PDIA5: variants seen among roughly 807,000 people sequenced by gnomAD.
The protein encoded by PDIA5 is protein disulfide-isomerase A5.
Under a neutral mutation model 77.6 loss-of-function variants are expected in PDIA5, and 58 were observed. The ratio of observed to expected loss-of-function variants is 0.75; its 90% CI spans 0.61 to 0.93. The LOEUF is 0.93. PDIA5 is among the 40% of genes least tolerant of loss of function. The pLI is 0.00. For synonymous variants in PDIA5, 250 were observed against 252.1 expected, an observed-to-expected ratio of 0.99 and a Z score of 0.08; for missense variants, 630 against 647.7, an observed-to-expected ratio of 0.97 and a Z score of 0.30.
intron 1 of PDIA5, among the ~76,000 whole-genome samples, chr3:123,077,591 T>C (rs1002262683): frequency 6.7e-6 from 1 of 150,130 alleles, no homozygotes; most frequent in African/African-American, 2.5e-5. Context: ...CACAACAATA[T>C]CACCACCATT....
rs781719967 is a variant in PDIA5, at chr3:123,106,840, AG to A, written c.480+1del. 6.2e-7 allele frequency: 1 copy of A among 1,602,588 alleles called. No homozygotes were observed. Among genetic ancestry groups the A allele is most frequent in the Non-Finnish European group, 8.5e-7 (1 of 1,170,910 alleles). On this transcript the variant is annotated frameshift_variant and splice_region_variant, in exon 6 of 17. Coordinates refer to ENST00000316218, the MANE Select transcript of PDIA5 (RefSeq NM_006810.4). LOFTEE classifies it high-confidence loss of function. ...GATGTTGTCCACCTTGACAGTGAAA[AG>A]GTAATGTATTCCCCGTCAGTTCTGA... ...AKDVVHLDSEKDFRRLLKKEE... is the reference protein window; with the variant it reads ...AKDVVHLDSEXDFRRLLKKEE...
At chr3:123,129,060 C>T (rs1229130169) in intron 10 of PDIA5, among the ~76,000 whole-genome samples, 1 of 64,796 alleles carries the variant, frequency 1.5e-5, no homozygotes, top group Non-Finnish European at 4.1e-5. Flanking sequence ...CCAATTTTCG[C>T]TATGACAACC....
intron 8 of PDIA5, among the ~76,000 whole-genome samples, chr3:123,120,523 CT>C (rs1935089406): frequency 6.6e-6 from 1 of 152,256 alleles, no homozygotes; most frequent in African/African-American, 2.4e-5. Context: ...CAAGGTTCCG[CT>C]TTCCTGTTAA....
intron 11 of PDIA5, among the ~76,000 whole-genome samples, chr3:123,143,403 A>AG (rs1352193771): frequency 4.7e-4 from 71 of 150,958 alleles, no homozygotes; most frequent in Admixed American, 9.2e-4. Context: ...AAAAAAAAAA[A>AG]AGAGAGGCAC....
In PDIA5 at chr3:123,106,846, T is replaced by C. The variant is rs777520090; in HGVS notation, c.480+5T>C. ...GTCCACCTTGACAGTGAAAAGGTAA[T>C]GTATTCCCCGTCAGTTCTGATGGAT... is the stretch of plus-strand genomic sequence containing the variant. On this transcript the variant is annotated splice_donor_5th_base_variant and intron_variant, in intron 6 of 16. Transcript: ENST00000316218. The C allele has an allele frequency of 2.4e-5, 38 of 1,591,830 alleles. No individual in the cohort carries two copies. The East Asian group carries it at 8.3e-4, about 35-fold the overall frequency.
intron 3 of PDIA5, among the ~76,000 whole-genome samples, chr3:123,093,258 G>GGTGTGT (rs3080445): frequency 4.0e-5 from 6 of 148,458 alleles, no homozygotes; most frequent in South Asian, 4.3e-4. Flanking sequence ...TGCTGTAGAG[G>GGTGTGT]GTGTGTGTGT....
chr3:123,111,998 T>C (rs947009449), intron 7 of PDIA5, among the ~76,000 whole-genome samples: 2 of 152,218 alleles, frequency 1.3e-5, no homozygotes, highest in Non-Finnish European at 2.9e-5. Context: ...GCCATGGCCA[T>C]ACATTGATGT....
At chr3:123,148,555 T>A (rs988744817) in intron 13 of PDIA5, among the ~76,000 whole-genome samples, 1 of 148,006 alleles carries the variant, frequency 6.8e-6, no homozygotes, top group Non-Finnish European at 1.5e-5. Context: ...AGCAACAGAG[T>A]GAGACCCTGT....
At chr3:123,161,847 CTT>C in intron 16 of PDIA5, 31 bp from the exon 17 acceptor site, 1 of 1,391,820 alleles carries the variant, frequency 7.2e-7, no homozygotes, top group Non-Finnish European at 1.0e-6. Flanking sequence ...GATTAAAGCT[CTT>C]TCTCTCTCTC....
chr3:123,114,660 C>T (rs1319948582), intron 7 of PDIA5, among the ~76,000 whole-genome samples: 1 of 152,238 alleles, frequency 6.6e-6, no homozygotes, highest in Non-Finnish European at 1.5e-5. Flanking sequence ...TTCTGTTCTC[C>T]TCTTTCTGAA....
At chr3:123,118,926 A>G (rs574250967) in intron 8 of PDIA5, among the ~76,000 whole-genome samples, 52 of 152,300 alleles carry the variant, frequency 3.4e-4, no homozygotes, top group African/African-American at 1.2e-3. Context: ...ACAGGTTATA[A>G]GGTTAACTGC....
chr3:123,089,091 G>GC (rs1934215771), intron 1 of PDIA5, 77 bp from the exon 2 acceptor site: 1 of 1,427,250 alleles, frequency 7.0e-7, no homozygotes, highest in Non-Finnish European at 9.6e-7. Flanking sequence ...GCTCTAGGCA[G>GC]CACATCCATG....
At chr3:123,151,770 GCCTGCCTGCCTGGCCTGCCTTCCTGCCT>G (rs1270606936) in intron 14 of PDIA5, among the ~76,000 whole-genome samples, 3 of 118,478 alleles carry the variant, frequency 2.5e-5, no homozygotes, top group Non-Finnish European at 5.5e-5. Flanking sequence ...CTGCCTGCCT[GCCTGCCTGCCTGGCCTGCCTTCCTGCCT>G]GCCTGCCTTC....
chr3:123,106,089 C>G (rs1934723205), intron 5 of PDIA5, among the ~76,000 whole-genome samples: 1 of 152,236 alleles, frequency 6.6e-6, no homozygotes, highest in African/African-American at 2.4e-5. Flanking sequence ...TCCAGGCAGT[C>G]TAGAAGAGGG....
intron 11 of PDIA5, 46 bp downstream of exon 11, chr3:123,130,662 A>C: frequency 1.2e-6 from 2 of 1,603,900 alleles, no homozygotes; most frequent in Non-Finnish European, 1.7e-6. Context: ...CCCCTCTCTC[A>C]GAGTAGGATG....
chr3:123,070,592 G>A (rs1933696256), intron 1 of PDIA5, among the ~76,000 whole-genome samples: 3 of 152,194 alleles, frequency 2.0e-5, no homozygotes, highest in Admixed American at 2.0e-4. Flanking sequence ...GCTATGGGTG[G>A]CGGTGCCCTC....
chr3:123,136,893 C>T (rs771584340), intron 11 of PDIA5, among the ~76,000 whole-genome samples: 2 of 152,080 alleles, frequency 1.3e-5, no homozygotes, highest in African/African-American at 4.8e-5. Context: ...AAATCTACCT[C>T]AATCTTTTTA....
At chr3:123,099,218 C>T (rs915494741) in intron 3 of PDIA5, among the ~76,000 whole-genome samples, 2 of 152,222 alleles carry the variant, frequency 1.3e-5, no homozygotes, top group Non-Finnish European at 2.9e-5. Flanking sequence ...TCCCAGAAAG[C>T]CAGAAATGCA....
At position 123,079,641 on chromosome 3, in the gene PDIA5, C is replaced by T. The variant is rs145900033; in HGVS notation, c.43-9527C>T. On this transcript the variant is annotated intron_variant, in intron 1 of 16. Transcript: ENST00000316218. ...ATGGTTAGAATGGTTGTGAGTCATA[C>T]GTGTGTCAGACCTCTGCTAATTTCC... 1.4e-3 allele frequency among the ~76,000 whole-genome samples: 217 copies of T among 152,234 alleles called. 1 individual carries two copies. Among genetic ancestry groups the T allele is most frequent in the African/African-American group, 4.9e-3 (202 of 41,522 alleles).
Sources: gnomAD v4.1 joint callset for allele counts (sites outside exome capture counted in the v4.1 genomes callset) on GRCh38, gnomAD v4.1.1 for gene constraint, MANE v1.5 for transcripts, NCBI Gene and HGNC (gene_info 2026-07-23, HGNC 2026-07-21) for gene names.